CDH13: variants seen among roughly 807,000 people sequenced by gnomAD.
The protein encoded by CDH13 is cadherin-13.
Under a neutral mutation model 63.8 loss-of-function variants are expected in CDH13, and 24 were observed. The observed-to-expected ratio is 0.38, with a 90% CI of 0.27 to 0.53. The LOEUF (loss-of-function observed/expected upper bound fraction) is 0.53, where lower values mean the gene tolerates loss of function less well. CDH13 is among the 20% of genes least tolerant of loss of function. The pLI, the probability that CDH13 is intolerant of heterozygous loss-of-function variation, is 0.85. For missense variants in CDH13, 1,049 were observed against 903.1 expected, an observed-to-expected ratio of 1.16 and a Z score of -2.07; for synonymous variants, 503 against 355.3, an observed-to-expected ratio of 1.42 and a Z score of -4.67.
At chr16:83,037,548 G>T (rs530978563) in intron 3 of CDH13, among the ~76,000 whole-genome samples, 2 of 152,176 alleles carry the variant, frequency 1.3e-5, no homozygotes, top group African/African-American at 4.8e-5. Context: ...AGATTGTCTA[G>T]CCTGGAGGAT....
intron 1 of CDH13, among the ~76,000 whole-genome samples, chr16:82,803,004 T>C (rs544314569): frequency 6.6e-6 from 1 of 152,358 alleles, no homozygotes; most frequent in East Asian, 1.9e-4. Flanking sequence ...TCCAACCCTG[T>C]TCGGTTTTCT....
At chr16:83,049,707 C>T (rs1451364252) in intron 3 of CDH13, among the ~76,000 whole-genome samples, 1 of 152,084 alleles carries the variant, frequency 6.6e-6, no homozygotes, top group Admixed American at 6.5e-5. Flanking sequence ...TAGGGATAAG[C>T]AATATTCCTT....
At chr16:83,683,402 T>C (rs1028557498) in intron 10 of CDH13, among the ~76,000 whole-genome samples, 48 of 152,358 alleles carry the variant, frequency 3.2e-4, no homozygotes, top group African/African-American at 1.1e-3. Flanking sequence ...GAAATCCCTT[T>C]TCCACAGCTT....
chr16:83,232,462 T>A (rs996180264), intron 5 of CDH13, among the ~76,000 whole-genome samples: 1 of 151,322 alleles, frequency 6.6e-6, no homozygotes, highest in African/African-American at 2.4e-5. Context: ...GAGGCAGAAG[T>A]TGCAGTGAGC....
At chr16:82,837,517 G>C (rs546670264) in intron 1 of CDH13, among the ~76,000 whole-genome samples, 5 of 152,100 alleles carry the variant, frequency 3.3e-5, no homozygotes, top group Non-Finnish European at 7.4e-5. Context: ...GATTTATTAC[G>C]GTGAAAATAT....
At chr16:82,851,566 C>T (rs1024146541) in intron 1 of CDH13, among the ~76,000 whole-genome samples, 5 of 152,128 alleles carry the variant, frequency 3.3e-5, no homozygotes, top group Admixed American at 1.3e-4. Flanking sequence ...ACCTTAATGA[C>T]CAGAAACGTG....
At chr16:83,193,323 G>A in intron 4 of CDH13, among the ~76,000 whole-genome samples, 1 of 152,066 alleles carries the variant, frequency 6.6e-6, no homozygotes, top group East Asian at 1.9e-4. Context: ...GGGCTAGAGA[G>A]GTTTAGTAAT....
At chr16:83,476,447 C>T (rs142766770) in intron 6 of CDH13, among the ~76,000 whole-genome samples, 1 of 152,296 alleles carries the variant, frequency 6.6e-6, no homozygotes, top group East Asian at 1.9e-4. Flanking sequence ...CCAAGGTGGG[C>T]AGATCACTCG....
intron 4 of CDH13, among the ~76,000 whole-genome samples, chr16:83,202,912 G>C (rs1294809576): frequency 6.6e-6 from 1 of 152,124 alleles, no homozygotes; most frequent in Non-Finnish European, 1.5e-5. Context: ...GGAGGGATGG[G>C]GTAGGGCAAG....
At chr16:83,105,016 A>G (rs2034694881) in intron 3 of CDH13, among the ~76,000 whole-genome samples, 2 of 151,932 alleles carry the variant, frequency 1.3e-5, no homozygotes. Flanking sequence ...TCCTTTTTTT[A>G]ACTTTTAAGT....
chr16:82,997,879 A>G (rs72792163), intron 2 of CDH13, among the ~76,000 whole-genome samples: 19,446 of 152,296 alleles, frequency 0.13, 1,630 homozygotes, highest in African/African-American at 0.24. Context: ...TCAGGCCAAC[A>G]ATATCAGCTA....
intron 3 of CDH13, among the ~76,000 whole-genome samples, chr16:83,121,757 C>G (rs574099277): frequency 2.1e-4 from 32 of 152,208 alleles, no homozygotes; most frequent in African/African-American, 7.5e-4. Flanking sequence ...GGATGGGTTC[C>G]TAGCAGTAAA....
At chr16:83,433,986 C>A (rs1023595480) in intron 6 of CDH13, among the ~76,000 whole-genome samples, 1 of 151,990 alleles carries the variant, frequency 6.6e-6, no homozygotes, top group Non-Finnish European at 1.5e-5. Flanking sequence ...TCTTTCCTTT[C>A]TAGCAAGGTT....
chr16:82,876,196 C>T (rs2040496335), intron 2 of CDH13, among the ~76,000 whole-genome samples: 1 of 152,148 alleles, frequency 6.6e-6, no homozygotes, highest in African/African-American at 2.4e-5. Flanking sequence ...ACAGCTAAAC[C>T]ATATCATGTC....
At chr16:83,032,777 G>A (rs1312134421) in intron 3 of CDH13, among the ~76,000 whole-genome samples, 2 of 152,170 alleles carry the variant, frequency 1.3e-5, no homozygotes, top group Admixed American at 1.3e-4. Context: ...TGAAGCCAGG[G>A]CAGAGTCAGC....
intron 1 of CDH13, among the ~76,000 whole-genome samples, chr16:82,815,024 C>A (rs551494462): frequency 1.7e-4 from 26 of 149,392 alleles, no homozygotes; most frequent in African/African-American, 6.1e-4. Flanking sequence ...TTTTTTCTAT[C>A]CTTCATATTG....
intron 1 of CDH13, among the ~76,000 whole-genome samples, chr16:82,827,563 G>C (rs1382784479): frequency 6.6e-6 from 1 of 152,158 alleles, no homozygotes; most frequent in African/African-American, 2.4e-5. Flanking sequence ...CTGTGGACTA[G>C]AGTCAATCTG....
chr16:82,903,988 G>A (rs1331919018), intron 2 of CDH13, among the ~76,000 whole-genome samples: 2 of 152,092 alleles, frequency 1.3e-5, no homozygotes, highest in African/African-American at 2.4e-5. Flanking sequence ...TCTTCTGGAA[G>A]TCATAGAATC....
At chr16:82,648,820 G>A (rs1910400604) in intron 1 of CDH13, among the ~76,000 whole-genome samples, 1 of 152,158 alleles carries the variant, frequency 6.6e-6, no homozygotes, top group Non-Finnish European at 1.5e-5. Flanking sequence ...TTTAAAGAAG[G>A]GAATAACATA....
Sources: allele counts gnomAD v4.1 joint callset (sites outside exome capture counted in the v4.1 genomes callset), GRCh38; gene constraint gnomAD v4.1.1; transcripts MANE v1.5; gene names NCBI Gene and HGNC (gene_info 2026-07-23, HGNC 2026-07-21).